Variants in CLASP1 observed in about 807,000 individuals in gnomAD.
CLASP1 encodes CLIP-associating protein 1.
Under a neutral mutation model 192.3 loss-of-function variants are expected in CLASP1, and 38 were observed. The observed-to-expected ratio is 0.20, with a 90% CI of 0.15 to 0.26. The LOEUF is 0.26. CLASP1 is among the 10% of genes least tolerant of loss of function. The pLI, the probability that CLASP1 is intolerant of heterozygous loss-of-function variation, is 1.00. For missense variants in CLASP1, 1,433 were observed against 1,932.5 expected, an observed-to-expected ratio of 0.74 and a Z score of 4.85; for synonymous variants, 691 against 712.8, an observed-to-expected ratio of 0.97 and a Z score of 0.49.
chr2:121,565,828 G>A (rs1056055707), intron 2 of CLASP1, among the ~76,000 whole-genome samples: 3 of 152,192 alleles, frequency 2.0e-5, no homozygotes, highest in Admixed American at 1.3e-4. Context: ...AGAGCAGAAC[G>A]GCCCTAAAAC....
intron 6 of CLASP1, among the ~76,000 whole-genome samples, chr2:121,519,077 A>G (rs2094397150): frequency 6.6e-6 from 1 of 152,178 alleles, no homozygotes; most frequent in Non-Finnish European, 1.5e-5. Flanking sequence ...AACGTTTAAG[A>G]GATTTACTGG....
intron 19 of CLASP1, among the ~76,000 whole-genome samples, chr2:121,431,346 T>G (rs764668336): frequency 2.6e-5 from 4 of 152,186 alleles, no homozygotes; most frequent in Admixed American, 6.5e-5. Context: ...TATGAGTCCA[T>G]TCAGAATCCT....
At chr2:121,382,382 G>T in intron 32 of CLASP1, 58 bp from the exon 34 acceptor site, 2 of 1,084,292 alleles carry the variant, frequency 1.8e-6, no homozygotes, top group Non-Finnish European at 2.6e-6. Context: ...AAGGGGAGGG[G>T]AGGAGGAAAG....
intron 1 of CLASP1, among the ~76,000 whole-genome samples, chr2:121,639,575 T>C (rs889907904): frequency 4.6e-5 from 7 of 151,868 alleles, no homozygotes; most frequent in Non-Finnish European, 1.0e-4. Context: ...TTAATAATGG[T>C]TTAGGCCAGG....
At chr2:121,386,503 A>AT (rs2149377704) in intron 32 of CLASP1, among the ~76,000 whole-genome samples, 1 of 152,348 alleles carries the variant, frequency 6.6e-6, no homozygotes, top group South Asian at 2.1e-4. Flanking sequence ...CTCTTGTCAG[A>AT]TGGTGAAGTA....
At position 121,506,635 on chromosome 2, in the gene CLASP1, A is replaced by T. The variant is rs569409966; in HGVS notation, c.645-3401T>A. 2.6e-5 allele frequency among the ~76,000 whole-genome samples: 4 copies of T among 152,290 alleles called. No individual in the cohort carries two copies. In the East Asian group the frequency reaches 5.8e-4, roughly 22 times the overall value. On this transcript the variant is annotated intron_variant, in intron 7 of 39. Transcript: ENST00000263710. ...GCACAGGCCCAGGAAAGACCCCTGA[A>T]GCCTCTAATGTCCCCACTGGCTGAC... is the stretch of plus-strand genomic sequence containing the variant.
rs1179038413 is a variant in CLASP1, at chr2:121,605,684, T to C, written c.195+17A>G. 3.1e-6 allele frequency: 5 copies of C among 1,610,998 alleles called. No homozygotes were observed. The African/African-American group carries it at 6.7e-5, about 22-fold the overall frequency. On this transcript the variant is annotated intron_variant, in intron 2 of 39. Transcript: ENST00000263710. ...AGCCCAGCCACCTCCAAAAGTGCCTTCTAAAGCACAGCTTACCTTGTAATT... is the reference window on the plus strand; with the variant it reads ...AGCCCAGCCACCTCCAAAAGTGCCTCCTAAAGCACAGCTTACCTTGTAATT...
At chr2:121,355,199 A>T (rs2065169524) in intron 37 of CLASP1, among the ~76,000 whole-genome samples, 1 of 152,060 alleles carries the variant, frequency 6.6e-6, no homozygotes, top group Admixed American at 6.5e-5. Context: ...CCCAGGCTGG[A>T]GTGCAGTGGC....
chr2:121,531,118 T>C (rs1324089457), intron 2 of CLASP1: 1 of 633,810 alleles, frequency 1.6e-6, no homozygotes, highest in Non-Finnish European at 2.9e-6. Flanking sequence ...GGTTTTAGTG[T>C]CGCAAGTAAA....
intron 1 of CLASP1, among the ~76,000 whole-genome samples, chr2:121,629,753 T>C (rs1006108403): frequency 1.3e-5 from 2 of 151,768 alleles, no homozygotes; most frequent in Admixed American, 6.6e-5. Flanking sequence ...ATCACACCAC[T>C]GCACTCTAGC....
chr2:121,612,290 A>G (rs1456449195), intron 1 of CLASP1, among the ~76,000 whole-genome samples: 2 of 151,254 alleles, frequency 1.3e-5, no homozygotes, highest in African/African-American at 4.9e-5. Flanking sequence ...GAGGAGGAGG[A>G]GGAGTTACAA....
intron 1 of CLASP1, among the ~76,000 whole-genome samples, chr2:121,613,224 C>G (rs2065898484): frequency 6.6e-6 from 1 of 152,212 alleles, no homozygotes; most frequent in Non-Finnish European, 1.5e-5. Context: ...TTTCATTCTC[C>G]AACATCAACA....
intron 19 of CLASP1, among the ~76,000 whole-genome samples, chr2:121,434,107 C>G (rs555358391): frequency 6.6e-6 from 1 of 152,238 alleles, no homozygotes; most frequent in African/African-American, 2.4e-5. Flanking sequence ...CTTTTAACTA[C>G]TGATTCAAAT....
chr2:121,425,238 A>T lies in CLASP1; in HGVS notation c.2113T>A (p.Ser705Thr), dbSNP rs1351909253. 1.9e-6 allele frequency: 3 copies of T among 1,613,478 alleles called. No individual in the cohort carries two copies. In the East Asian group the frequency reaches 6.7e-5, roughly 36 times the overall value. The change falls in exon 22 of 40, where the codon TCA (serine) becomes ACA (threonine). Residue 705 changes from serine (S) to threonine (T), a missense_variant. Ser to Thr is a moderately conservative substitution (Grantham distance 58). Coordinates refer to ENST00000263710, the Ensembl canonical transcript of CLASP1. ...GACGGTGTCACAGGTGGGCCTCGTG[A>T]GGAGCCCCCAGTAAGTCCACCATAA...
intron 7 of CLASP1, among the ~76,000 whole-genome samples, chr2:121,511,282 G>A (rs1426779327): frequency 6.6e-6 from 1 of 152,082 alleles, no homozygotes; most frequent in African/African-American, 2.4e-5. Context: ...AAGTATATAT[G>A]AGAGAGGTTA....
intron 14 of CLASP1, among the ~76,000 whole-genome samples, chr2:121,457,321 T>G (rs2086877394): frequency 6.6e-6 from 1 of 152,130 alleles, no homozygotes; most frequent in Non-Finnish European, 1.5e-5. Context: ...TTGCATGCAG[T>G]TACTGCCTTT....
intron 1 of CLASP1, among the ~76,000 whole-genome samples, chr2:121,637,112 T>C (rs1317839804): frequency 6.6e-6 from 1 of 152,192 alleles, no homozygotes; most frequent in Non-Finnish European, 1.5e-5. Flanking sequence ...CAATCTGTTT[T>C]TGGGACACAA....
chr2:121,496,510 G>C (rs2093539073), intron 8 of CLASP1, among the ~76,000 whole-genome samples: 2 of 152,190 alleles, frequency 1.3e-5, no homozygotes, highest in African/African-American at 4.8e-5. Flanking sequence ...GAGAGAAAAA[G>C]AATCTAGTCA....
Position 121,549,706 on chromosome 2 carries a change from C to CAAAAAA in CLASP1, c.196-19387_196-19382dup, listed in dbSNP as rs57551536. ...TAATTGGACATAAAACAATCCTCTG[C>CAAAAAA]AAAAAAAAAAAAAAAAAGGCCTGGC... On this transcript the variant is annotated intron_variant, in intron 2 of 39. Coordinates refer to ENST00000263710, the Ensembl canonical transcript of CLASP1. Among the ~76,000 whole-genome samples the CAAAAAA allele has an allele frequency of 2.4e-3, 167 of 70,608 alleles. 8 individuals carry two copies. The highest frequency in any genetic ancestry group is 7.4e-3 in the African/African-American group (135 of 18,216). 46.3% of individuals were successfully genotyped at this position (70,608 alleles called of 152,430 possible).
Sources: allele counts gnomAD v4.1 joint callset (sites outside exome capture counted in the v4.1 genomes callset), GRCh38; gene constraint gnomAD v4.1.1; transcripts MANE v1.5; gene names NCBI Gene and HGNC (gene_info 2026-07-23, HGNC 2026-07-21).